Variants in GRIK1 observed in about 807,000 individuals in gnomAD.
GRIK1 encodes the protein glutamate receptor ionotropic, kainate 1.
A neutral mutation model predicts 105.7 loss-of-function variants in GRIK1; 69 were observed. The observed-to-expected ratio is 0.65, with a 90% CI of 0.54 to 0.80. GRIK1 has a LOEUF of 0.80. GRIK1 is among the 30% of genes least tolerant of loss of function. The pLI, the probability that GRIK1 is intolerant of heterozygous loss-of-function variation, is 0.00. For missense variants in GRIK1, 1,109 were observed against 1,167.3 expected (o/e 0.95, Z 0.73); for synonymous variants, 438 against 431.3 (o/e 1.02, Z -0.19).
intron 1 of GRIK1, among the ~76,000 whole-genome samples, chr21:29,859,088 C>A (rs2068554638): frequency 1.3e-5 from 2 of 151,608 alleles, no homozygotes; most frequent in African/African-American, 4.9e-5. Flanking sequence ...TGGAAACCAT[C>A]ATTCTCAGCA....
chr21:29,715,851 T>C (rs2064164657), intron 1 of GRIK1, among the ~76,000 whole-genome samples: 1 of 152,024 alleles, frequency 6.6e-6, no homozygotes, highest in Non-Finnish European at 1.5e-5. Context: ...TGTAGTATTA[T>C]CTTATTATAA....
intron 1 of GRIK1, among the ~76,000 whole-genome samples, chr21:29,792,107 G>GTA (rs1317457092): frequency 6.6e-6 from 1 of 152,026 alleles, no homozygotes; most frequent in Non-Finnish European, 1.5e-5. Context: ...ATGTGTGTGT[G>GTA]TATATAGTAT....
At chr21:29,750,900 C>A (rs1378704215) in intron 1 of GRIK1, among the ~76,000 whole-genome samples, 1 of 152,252 alleles carries the variant, frequency 6.6e-6, no homozygotes, top group South Asian at 2.1e-4. Flanking sequence ...TTTTAATCAC[C>A]TGGGTGCAGG....
intron 2 of GRIK1, among the ~76,000 whole-genome samples, chr21:29,691,799 A>T (rs1178054854): frequency 3.3e-5 from 5 of 152,264 alleles, no homozygotes; most frequent in African/African-American, 1.2e-4. Context: ...AATAACTGAT[A>T]CAACTTTGAC....
chr21:29,611,024 T>C (rs1333033000), intron 7 of GRIK1, among the ~76,000 whole-genome samples: 1 of 152,118 alleles, frequency 6.6e-6, no homozygotes, highest in Admixed American at 6.6e-5. Flanking sequence ...ATGAATAATC[T>C]TTGGAAATTA....
chr21:29,596,251 C>G (rs570683872), intron 9 of GRIK1: 2 of 550,082 alleles, frequency 3.6e-6, no homozygotes, highest in South Asian at 1.8e-5. Context: ...TCAATCCTAA[C>G]AAGGACTGAT....
intron 1 of GRIK1, among the ~76,000 whole-genome samples, chr21:29,788,206 C>T (rs1489441184): frequency 6.6e-6 from 1 of 152,110 alleles, no homozygotes; most frequent in African/African-American, 2.4e-5. Context: ...TGTGATAAGT[C>T]CCACAGAGTG....
chr21:29,732,286 C>T (rs2064651343), intron 1 of GRIK1, among the ~76,000 whole-genome samples: 1 of 152,110 alleles, frequency 6.6e-6, no homozygotes, highest in African/African-American at 2.4e-5. Flanking sequence ...AACCCATCAG[C>T]ACCTTCAAAC....
intron 1 of GRIK1, among the ~76,000 whole-genome samples, chr21:29,719,050 G>T (rs1293818102): frequency 6.8e-6 from 1 of 146,424 alleles, no homozygotes. Context: ...TGAGCCAGTA[G>T]TTACAGTAGA....
At chr21:29,696,740 T>TCCCCC in intron 1 of GRIK1, among the ~76,000 whole-genome samples, 2 of 152,324 alleles carry the variant, frequency 1.3e-5, no homozygotes, top group Non-Finnish European at 2.9e-5. Context: ...CCAAGGCATC[T>TCCCCC]TTAGGACGTT....
intron 7 of GRIK1, among the ~76,000 whole-genome samples, chr21:29,635,988 C>T (rs1269911862): frequency 6.6e-6 from 1 of 152,144 alleles, no homozygotes; most frequent in East Asian, 1.9e-4. Context: ...AGAAATCTCC[C>T]AGGCCTACCA....
intron 1 of GRIK1, among the ~76,000 whole-genome samples, chr21:29,881,051 T>C (rs761698630): frequency 6.6e-6 from 1 of 152,122 alleles, no homozygotes; most frequent in Non-Finnish European, 1.5e-5. Context: ...TAAATTTCTG[T>C]GGAAAAGCCT....
At chr21:29,706,915 A>C (rs2063920242) in intron 1 of GRIK1, among the ~76,000 whole-genome samples, 1 of 152,010 alleles carries the variant, frequency 6.6e-6, no homozygotes, top group Admixed American at 6.6e-5. Flanking sequence ...CCCAGGCTGG[A>C]GTGCAGTGGT....
intron 1 of GRIK1, among the ~76,000 whole-genome samples, chr21:29,784,074 A>G (rs954994888): frequency 1.3e-5 from 2 of 152,178 alleles, no homozygotes; most frequent in Non-Finnish European, 2.9e-5. Context: ...CTGGGACTAC[A>G]GGACTGTTGT....
intron 8 of GRIK1, among the ~76,000 whole-genome samples, chr21:29,596,933 C>T (rs2061425766): frequency 6.6e-6 from 1 of 152,130 alleles, no homozygotes; most frequent in East Asian, 1.9e-4. Flanking sequence ...AATTAACCAA[C>T]CAACCAGCAA....
chr21:29,810,893 G>T (rs2066992582), intron 1 of GRIK1, among the ~76,000 whole-genome samples: 1 of 152,076 alleles, frequency 6.6e-6, no homozygotes, highest in African/African-American at 2.4e-5. Flanking sequence ...AAGGTGATGT[G>T]GCAGCTGGAT....
At chr21:29,851,721 A>G (rs1382432329) in intron 1 of GRIK1, among the ~76,000 whole-genome samples, 2 of 151,988 alleles carry the variant, frequency 1.3e-5, no homozygotes, top group African/African-American at 4.8e-5. Context: ...AGTCTACCTC[A>G]TGGCCTCAAC....
intron 1 of GRIK1, among the ~76,000 whole-genome samples, chr21:29,787,996 T>C (rs1205154123): frequency 6.6e-6 from 1 of 152,226 alleles, no homozygotes; most frequent in African/African-American, 2.4e-5. Flanking sequence ...TTTGAGACAA[T>C]ATAATTACTT....
intron 1 of GRIK1, among the ~76,000 whole-genome samples, chr21:29,888,311 C>T (rs1030403099): frequency 6.8e-6 from 1 of 146,982 alleles, no homozygotes; most frequent in Non-Finnish European, 1.5e-5. Context: ...GTCACTAAGG[C>T]TGGAGTGCAG....
Sources: gnomAD v4.1 joint callset for allele counts (sites outside exome capture counted in the v4.1 genomes callset) on GRCh38, gnomAD v4.1.1 for gene constraint, MANE v1.5 for transcripts, NCBI Gene and HGNC (gene_info 2026-07-23, HGNC 2026-07-21) for gene names.